NTSR1: variants seen among roughly 807,000 people sequenced by gnomAD.
NTSR1 encodes the protein neurotensin receptor 1.
A neutral mutation model predicts 31.2 loss-of-function variants in NTSR1; 29 were observed. The observed-to-expected ratio is 0.93, with a 90% CI of 0.69 to 1.27. The LOEUF (loss-of-function observed/expected upper bound fraction) is 1.27, where lower values mean the gene tolerates loss of function less well. Among genes scored for constraint, NTSR1 ranks in the 50% most tolerant of loss-of-function variants. The probability of loss-of-function intolerance (pLI) is 0.00; values close to 1 mark genes in which losing one functional copy is unlikely to be tolerated. For missense variants in NTSR1, 697 were observed against 595.4 expected, an observed-to-expected ratio of 1.17 and a Z score of -1.78; for synonymous variants, 282 against 269.9, an observed-to-expected ratio of 1.04 and a Z score of -0.44.
intron 1 of NTSR1, among the ~76,000 whole-genome samples, chr20:62,748,822 G>A (rs1041349234): frequency 6.6e-6 from 1 of 152,072 alleles, no homozygotes; most frequent in Non-Finnish European, 1.5e-5. Flanking sequence ...TCACACAAGG[G>A]GAGCTGGTGG....
Position 62,760,039 on chromosome 20 carries a change from C to G in NTSR1, c.1029C>G (p.His343Gln). 1 of 1,614,080 alleles carries G rather than the reference C, an allele frequency of 6.2e-7. No individual in the cohort carries two copies. Among genetic ancestry groups the G allele is most frequent in the African/African-American group, 1.3e-5 (1 of 75,048 alleles). The change falls in exon 4 of 4, where the codon CAC (histidine) becomes CAG (glutamine). Residue 343 changes from histidine (H) to glutamine (Q), a missense_variant. His to Gln is a conservative substitution (Grantham distance 24, BLOSUM62 0). Transcript: ENST00000370501. ...GCAGGTTCCTCTATGACTTCTACCA[C>G]TACTTCTACATGGTGACCAACGCAC... The part of the protein sequence containing the change: ...QWTPFLYDFY[H>Q]YFYMVTNALF...
At position 62,741,498 on chromosome 20, in the gene NTSR1, G is replaced by A. The variant is rs1989206294; in HGVS notation, c.715-13187G>A. ...GGTCCTTGCCCCCAGCTGGCTTGGG[G>A]GTCCCTACACCGGCCCCCTGCCCCA... On this transcript the variant is annotated intron_variant, in intron 1 of 3. Transcript: ENST00000370501. This position sits in a 1 kb window ranked among gnomAD's most constrained non-coding sequence, Gnocchi z 4.3. Among the ~76,000 whole-genome samples the A allele has an allele frequency of 6.7e-6, 1 of 149,400 alleles. No homozygotes were observed. Among genetic ancestry groups the A allele is most frequent in the Non-Finnish European group, 1.5e-5 (1 of 67,992 alleles).
At position 62,709,602 on chromosome 20, in the gene NTSR1, A is replaced by G. The variant is rs751756203; in HGVS notation, c.395A>G (p.His132Arg). ...VELYNFIWVH[H>R]PWAFGDAGCR... ...CTGTACAACTTCATCTGGGTGCACCACCCCTGGGCCTTCGGCGACGCCGGC... is the reference window on the plus strand; with the variant it reads ...CTGTACAACTTCATCTGGGTGCACCGCCCCTGGGCCTTCGGCGACGCCGGC... The change falls in exon 1 of 4, where the codon CAC (histidine) becomes CGC (arginine). Residue 132 changes from histidine (H) to arginine (R), a missense_variant. His to Arg is a conservative substitution (Grantham distance 29). Coordinates refer to ENST00000370501, the MANE Select transcript of NTSR1 (RefSeq NM_002531.3). 6.2e-7 allele frequency: 1 copy of G among 1,611,370 alleles called. No homozygotes were observed. Among genetic ancestry groups the G allele is most frequent in the South Asian group, 1.1e-5 (1 of 91,064 alleles).
intron 1 of NTSR1, among the ~76,000 whole-genome samples, chr20:62,730,039 C>A (rs1988977322): frequency 6.6e-6 from 1 of 152,136 alleles, no homozygotes; most frequent in African/African-American, 2.4e-5. Flanking sequence ...ACAGGTGTCT[C>A]CCTGTTATTA....
intron 1 of NTSR1, among the ~76,000 whole-genome samples, chr20:62,719,655 G>A (rs1417163364): frequency 1.3e-5 from 2 of 151,760 alleles, no homozygotes; most frequent in African/African-American, 4.8e-5. Flanking sequence ...CCACTCCGGG[G>A]GCCAAATATA....
At position 62,745,137 on chromosome 20, in the gene NTSR1, G is replaced by A. The variant is rs1484625971; in HGVS notation, c.715-9548G>A. The stretch of plus-strand genomic sequence containing the variant: ...CTACCCAGCCGGCTCCAGGGAGGGT[G>A]GCCCAGCCAGTTCCTGCCACCTGAG... On this transcript the variant is annotated intron_variant, in intron 1 of 3. Transcript: ENST00000370501. The surrounding 1 kb of genome is among the most constrained non-coding windows in gnomAD (Gnocchi z 4.1). Among the ~76,000 whole-genome samples, 2 of 152,178 alleles carry A rather than the reference G, an allele frequency of 1.3e-5. No homozygotes were observed. Among genetic ancestry groups the A allele is most frequent in the Non-Finnish European group, 1.5e-5 (1 of 68,022 alleles).
chr20:62,746,691 C>T (rs1402248152), intron 1 of NTSR1, among the ~76,000 whole-genome samples: 1 of 152,194 alleles, frequency 6.6e-6, no homozygotes, highest in Non-Finnish European at 1.5e-5. Flanking sequence ...TTCCTAGAAA[C>T]TCACAAGCTT....
intron 2 of NTSR1, among the ~76,000 whole-genome samples, chr20:62,757,544 T>C (rs566013431): frequency 2.3e-4 from 35 of 152,388 alleles, no homozygotes; most frequent in African/African-American, 7.9e-4. Flanking sequence ...TGAGATTTCA[T>C]ATGAATTTTA....
chr20:62,718,363 G>T (rs1308480382), intron 1 of NTSR1, among the ~76,000 whole-genome samples: 6 of 152,262 alleles, frequency 3.9e-5, no homozygotes, highest in Admixed American at 2.6e-4. Context: ...GGAGAAGGTG[G>T]CGGAGAGGGG....
rs574417234 is a variant in NTSR1, at chr20:62,715,546, G to A, written c.714+5625G>A. Among the ~76,000 whole-genome samples the A allele has an allele frequency of 3.3e-5, 5 of 152,340 alleles. No individual in the cohort carries two copies. The East Asian group carries it at 9.6e-4, about 29-fold the overall frequency. ...CCCAGAGCTGGCCATGGCTGGCTCT[G>A]ACTGGGCTTGGAGTCCTCGAGAGTG... On this transcript the variant is annotated intron_variant, in intron 1 of 3. Transcript: ENST00000370501. This position sits in a 1 kb window ranked among gnomAD's most constrained non-coding sequence, Gnocchi z 4.7.
chr20:62,708,904 T>G lies in NTSR1; in HGVS notation c.-304T>G. 28 of 312,742 alleles carry G rather than the reference T, an allele frequency of 9.0e-5. No individual in the cohort carries two copies. The highest frequency in any genetic ancestry group is 1.1e-4 in the South Asian group (1 of 9,408). 19.4% of individuals were successfully genotyped at this position (312,742 alleles called of 1,614,324 possible). ...TCGGGGGCCTGGGGAACCGCGCGGTTTGGAGATCGGAGGCACCTGGAACCC... is the reference window on the plus strand; with the variant it reads ...TCGGGGGCCTGGGGAACCGCGCGGTGTGGAGATCGGAGGCACCTGGAACCC... On this transcript the variant is annotated 5_prime_UTR_variant, in exon 1 of 4. Coordinates refer to ENST00000370501, the MANE Select transcript of NTSR1 (RefSeq NM_002531.3). The surrounding 1 kb of genome is among the most constrained non-coding windows in gnomAD (Gnocchi z 5.9).
chr20:62,752,183 C>A (rs1010789876), intron 1 of NTSR1, among the ~76,000 whole-genome samples: 5 of 152,224 alleles, frequency 3.3e-5, no homozygotes, highest in East Asian at 3.8e-4. Flanking sequence ...CTTCCCCTCG[C>A]TCAGTCCTCC....
At chr20:62,735,936 G>T (rs1989084211) in intron 1 of NTSR1, among the ~76,000 whole-genome samples, 1 of 152,182 alleles carries the variant, frequency 6.6e-6, no homozygotes, top group South Asian at 2.1e-4. Flanking sequence ...TCTCTGAGGG[G>T]GTCTGGTCTG....
intron 2 of NTSR1, among the ~76,000 whole-genome samples, chr20:62,755,645 A>C (rs796169426): frequency 3.4e-4 from 1 of 2,948 alleles, no homozygotes; most frequent in Non-Finnish European, 6.1e-4. Context: ...CCCTCCCTCC[A>C]TCCCTGCCTT....
Position 62,733,584 on chromosome 20 carries a change from T to G in NTSR1, c.715-21101T>G, listed in dbSNP as rs1185529086. Among the ~76,000 whole-genome samples the G allele has an allele frequency of 1.3e-5, 2 of 151,678 alleles. No individual in the cohort carries two copies. The highest frequency in any genetic ancestry group is 4.9e-5 in the African/African-American group (2 of 41,218). ...ACCTAGCAATGCAGGGTGAGCCATG[T>G]GGGCTGGCTTCTGGGGATGGGGAGG... On this transcript the variant is annotated intron_variant, in intron 1 of 3. Transcript: ENST00000370501. The surrounding 1 kb of genome is among the most constrained non-coding windows in gnomAD (Gnocchi z 5.2).
In NTSR1 at chr20:62,709,186, G is replaced by A; in HGVS notation, c.-22G>A. On this transcript the variant is annotated 5_prime_UTR_variant, in exon 1 of 4. Coordinates refer to ENST00000370501, the MANE Select transcript of NTSR1 (RefSeq NM_002531.3). ...TCCAGCCCCGGAGGCGCCGGACAGA[G>A]CCGCGGACTCCAGCGCCCACCATGC... 1 of 1,403,986 alleles carries A rather than the reference G, an allele frequency of 7.1e-7. No individual in the cohort carries two copies. The highest frequency in any genetic ancestry group is 9.2e-7 in the Non-Finnish European group (1 of 1,087,008). 87.0% of individuals were successfully genotyped at this position (1,403,986 alleles called of 1,614,324 possible). A position where few individuals can be genotyped will look rare whatever the true frequency, so the allele number is the denominator to read the frequency against.
At chr20:62,737,663 G>A (rs532589619) in intron 1 of NTSR1, among the ~76,000 whole-genome samples, 31 of 152,128 alleles carry the variant, frequency 2.0e-4, no homozygotes, top group African/African-American at 6.3e-4. Context: ...ACCTGCTCTC[G>A]TCCCCACATC....
intron 1 of NTSR1, among the ~76,000 whole-genome samples, chr20:62,734,715 T>C (rs2147139850): frequency 6.7e-6 from 1 of 149,154 alleles, no homozygotes; most frequent in East Asian, 2.1e-4. Flanking sequence ...CAGCCTGAAA[T>C]CCGCACCGGG....
Position 62,754,773 on chromosome 20 carries a change from G to A in NTSR1, c.803G>A (p.Arg268His), listed in dbSNP as rs373051104. The change falls in exon 2 of 4, where the codon CGC becomes CAC. Residue 268 changes from arginine (R) to histidine (H), a missense_variant. Coordinates refer to ENST00000370501, the MANE Select transcript of NTSR1 (RefSeq NM_002531.3). ...GCCAACAAGCTGACCGTCATGGTAC[G>A]CCAGGCGGCCGAGCAGGGCCAAGTG... ...IIANKLTVMV[R>H]QAAEQGQVCT... The A allele has an allele frequency of 4.1e-5, 66 of 1,612,206 alleles. No individual in the cohort carries two copies. The highest frequency in any genetic ancestry group is 6.7e-5 in the Admixed American group (4 of 59,972).
Sources: allele counts gnomAD v4.1 joint callset (sites outside exome capture counted in the v4.1 genomes callset), GRCh38; gene constraint gnomAD v4.1.1; non-coding constraint Gnocchi (gnomAD v3.1); transcripts MANE v1.5; gene names NCBI Gene and HGNC (gene_info 2026-07-23, HGNC 2026-07-21).